Variants in TTC7A observed in about 807,000 individuals in gnomAD.
TTC7A encodes the protein tetratricopeptide repeat domain 7A.
TTC7A carries 110 observed loss-of-function variants against 103.7 expected under a neutral mutation model. The ratio of observed to expected loss-of-function variants is 1.06; its 90% CI spans 0.91 to 1.24. TTC7A has a LOEUF of 1.24. Among genes scored for constraint, TTC7A ranks in the 50% most tolerant of loss-of-function variants. TTC7A has a pLI of 0.00. For missense variants in TTC7A, 1,340 were observed against 1,116.3 expected, an observed-to-expected ratio of 1.20 and a Z score of -2.86; for synonymous variants, 521 against 467.9, an observed-to-expected ratio of 1.11 and a Z score of -1.47.
At chr2:46,961,611 A>AATAAAATAG in intron 3 of TTC7A, among the ~76,000 whole-genome samples, 2 of 151,326 alleles carry the variant, frequency 1.3e-5, no homozygotes, top group South Asian at 2.1e-4. Context: ...AAATAAAATA[A>AATAAAATAG]AAAATAATCT....
At chr2:47,029,828 G>A (rs1680327285) in intron 15 of TTC7A, among the ~76,000 whole-genome samples, 1 of 152,184 alleles carries the variant, frequency 6.6e-6, no homozygotes, top group Non-Finnish European at 1.5e-5. Flanking sequence ...CTCCAAGGTG[G>A]TCCTGCTCCT....
chr2:46,927,553 G>C (rs894045284), intron 2 of TTC7A, among the ~76,000 whole-genome samples: 4 of 151,646 alleles, frequency 2.6e-5, no homozygotes, highest in African/African-American at 9.7e-5. Flanking sequence ...GTGGAGACAG[G>C]GTTTCACCGT....
chr2:46,953,854 G>C (rs1391630095), intron 2 of TTC7A, among the ~76,000 whole-genome samples: 10 of 144,898 alleles, frequency 6.9e-5, no homozygotes, highest in Non-Finnish European at 1.4e-4. Flanking sequence ...TAGAGACACA[G>C]TTCTTACTGT....
intron 15 of TTC7A, among the ~76,000 whole-genome samples, chr2:47,035,019 T>G (rs1680955604): frequency 1.3e-5 from 2 of 152,234 alleles, no homozygotes; most frequent in South Asian, 4.1e-4. Flanking sequence ...CTTGACTGAC[T>G]TCAGCTAAGG....
rs370771002 is a variant in TTC7A at position 46,956,827 on chromosome 2, T to C, written c.349-12T>C. 2.2e-5 allele frequency: 36 copies of C among 1,613,854 alleles called. No homozygotes were observed. Among genetic ancestry groups the C allele is most frequent in the Non-Finnish European group, 2.8e-5 (33 of 1,179,844 alleles). ...TGGGGCAGGCGCTGGTAACATGTCC[T>C]TGTCATTTCAGCCACAGTACATGTG... On this transcript the variant is annotated splice_polypyrimidine_tract_variant and intron_variant, in intron 2 of 19. Coordinates refer to ENST00000319190, the MANE Select transcript of TTC7A (RefSeq NM_020458.4).
chr2:46,995,032 AC>A (rs768898562), intron 7 of TTC7A, 103 bp from the exon 8 acceptor site: 84 of 1,035,324 alleles, frequency 8.1e-5, no homozygotes, highest in Non-Finnish European at 1.1e-4. Flanking sequence ...AGGTCACCTT[AC>A]CGAGCTGGTG....
At chr2:47,027,524 G>T (rs1288164148) in intron 14 of TTC7A, among the ~76,000 whole-genome samples, 1 of 152,250 alleles carries the variant, frequency 6.6e-6, no homozygotes, top group Non-Finnish European at 1.5e-5. Context: ...ACCCTTCTGT[G>T]GAAAAGCATA....
intron 1 of TTC7A, among the ~76,000 whole-genome samples, chr2:46,949,110 C>T (rs1207994041): frequency 6.6e-6 from 1 of 152,236 alleles, no homozygotes; most frequent in Non-Finnish European, 1.5e-5. Context: ...ACCTCAGACC[C>T]TGCACACTGA....
intron 2 of TTC7A, among the ~76,000 whole-genome samples, chr2:46,934,985 G>C (rs573917932): frequency 6.6e-6 from 1 of 151,790 alleles, no homozygotes; most frequent in South Asian, 2.1e-4. Flanking sequence ...ATTTTTAGTA[G>C]AGACAGGGTT....
At chr2:47,043,492 T>C (rs1243415011) in intron 15 of TTC7A, among the ~76,000 whole-genome samples, 1 of 151,874 alleles carries the variant, frequency 6.6e-6, no homozygotes, top group African/African-American at 2.4e-5. Flanking sequence ...CTAATACCCA[T>C]GTGATCAGTG....
At chr2:47,040,756 A>G (rs1406093480) in intron 15 of TTC7A, among the ~76,000 whole-genome samples, 4 of 152,178 alleles carry the variant, frequency 2.6e-5, no homozygotes, top group Non-Finnish European at 4.4e-5. Context: ...ATCACAGTTC[A>G]GCCTGGTGGA....
At chr2:46,928,966 C>T (rs1449565084) in intron 2 of TTC7A, among the ~76,000 whole-genome samples, 1 of 152,000 alleles carries the variant, frequency 6.6e-6, no homozygotes, top group Non-Finnish European at 1.5e-5. Context: ...ATTTTGAGAC[C>T]AGCCTGGCCA....
intron 2 of TTC7A, among the ~76,000 whole-genome samples, chr2:46,921,030 C>G (rs184147312): frequency 2.0e-5 from 3 of 151,378 alleles, no homozygotes; most frequent in South Asian, 4.2e-4. Context: ...CTCAGCCTGA[C>G]AGGGCATCTG....
chr2:46,944,311 CT>C (rs930344118), intron 1 of TTC7A, among the ~76,000 whole-genome samples: 8 of 150,862 alleles, frequency 5.3e-5, no homozygotes, highest in African/African-American at 1.7e-4. Context: ...ATGCTCAACC[CT>C]TTTCCTTCCA....
intron 15 of TTC7A, among the ~76,000 whole-genome samples, chr2:47,041,935 T>A (rs920707428): frequency 4.6e-5 from 7 of 152,220 alleles, no homozygotes; most frequent in Non-Finnish European, 1.0e-4. Context: ...AAAAACGTAT[T>A]TAATTATATA....
intron 8 of TTC7A, among the ~76,000 whole-genome samples, chr2:47,003,055 G>A (rs539065507): frequency 7.2e-5 from 11 of 152,176 alleles, no homozygotes; most frequent in African/African-American, 2.4e-4. Context: ...ATTAACGCCC[G>A]GTTCTGAAAA....
chr2:47,021,843 C>G lies in TTC7A; in HGVS notation c.1393-19C>G. The G allele has an allele frequency of 1.9e-6, 3 of 1,607,714 alleles. No individual in the cohort carries two copies. The highest frequency in any genetic ancestry group is 2.6e-6 in the Non-Finnish European group (3 of 1,174,186). On this transcript the variant is annotated intron_variant, in intron 11 of 19. Transcript: ENST00000319190. ...AACTCCAACCCCACCTCCATGACCT[C>G]TGTCTCTCCTCTTTGCAGCTAGAGG...
At chr2:47,039,483 C>T (rs899452449) in intron 15 of TTC7A, among the ~76,000 whole-genome samples, 1 of 152,152 alleles carries the variant, frequency 6.6e-6, no homozygotes, top group African/African-American at 2.4e-5. Flanking sequence ...TGGAGATGAC[C>T]TCTGACCCCA....
chr2:47,061,457 G>A (rs1683775599), intron 19 of TTC7A, among the ~76,000 whole-genome samples: 1 of 152,166 alleles, frequency 6.6e-6, no homozygotes, highest in African/African-American at 2.4e-5. Context: ...GGGGTGGGCT[G>A]TCATGTCAGA....
Sources: allele counts gnomAD v4.1 joint callset (sites outside exome capture counted in the v4.1 genomes callset), GRCh38; gene constraint gnomAD v4.1.1; transcripts MANE v1.5; gene names NCBI Gene and HGNC (gene_info 2026-07-23, HGNC 2026-07-21).